Variants in METTL6 observed in about 807,000 individuals in gnomAD.
METTL6 encodes the protein methyltransferase 6, tRNA N3-cytidine, also known as tRNA N(3)-cytidine methyltransferase METTL6.
In METTL6, 22 loss-of-function variants were observed where a neutral mutation model predicts 26.4. The ratio of observed to expected loss-of-function variants is 0.83; its 90% CI spans 0.59 to 1.19. The LOEUF (loss-of-function observed/expected upper bound fraction) is 1.19. METTL6 is among the 50% of genes most tolerant of loss of function. METTL6 has a pLI of 0.00. For missense variants in METTL6, 304 were observed against 324.8 expected, an observed-to-expected ratio of 0.94 and a Z score of 0.49; for synonymous variants, 109 against 116.2, an observed-to-expected ratio of 0.94 and a Z score of 0.40.
chr3:15,418,380 CA>C (rs1465076199), intron 3 of METTL6, among the ~76,000 whole-genome samples: 16 of 151,976 alleles, frequency 1.1e-4, no homozygotes, highest in Non-Finnish European at 2.4e-4. Flanking sequence ...TGCTAAAAAC[CA>C]AAAATATGGT....
chr3:15,414,410 C>A (rs1425820026), intron 4 of METTL6: 2 of 1,090,022 alleles, frequency 1.8e-6, no homozygotes, highest in Non-Finnish European at 2.3e-6. Context: ...GGCTGGAGTG[C>A]AGTGGCATAA....
At chr3:15,400,709 G>A (rs1468932973) in intron 6 of METTL6, among the ~76,000 whole-genome samples, 1 of 152,120 alleles carries the variant, frequency 6.6e-6, no homozygotes, top group Admixed American at 6.5e-5. Context: ...GGTCATTACA[G>A]AAAACATGAA....
At position 15,412,006 on chromosome 3, in the gene METTL6, C is replaced by G. The variant is rs146757354; in HGVS notation, c.674-569G>C. Reference sequence around the variant, plus strand: ...TCTCAAACCCCTGACCTCAAATGATCCCCCAATCTTGGCCTCCCAAAGTGC... The same window carrying G: ...TCTCAAACCCCTGACCTCAAATGATGCCCCAATCTTGGCCTCCCAAAGTGC... On this transcript the variant is annotated intron_variant, in intron 5 of 5. Transcript: ENST00000383790. 9.6e-4 allele frequency among the ~76,000 whole-genome samples: 146 copies of G among 152,254 alleles called. 1 individual carries two copies. Among genetic ancestry groups the G allele is most frequent in the African/African-American group, 3.3e-3 (139 of 41,544 alleles).
At chr3:15,422,243 T>C (rs971842218) in intron 3 of METTL6, among the ~76,000 whole-genome samples, 7 of 152,138 alleles carry the variant, frequency 4.6e-5, no homozygotes, top group South Asian at 4.1e-4. Flanking sequence ...GGAGGATCAC[T>C]TGAGCCTGGG....
intron 6 of METTL6, among the ~76,000 whole-genome samples, chr3:15,394,240 C>T (rs1165177269): frequency 6.6e-6 from 1 of 152,174 alleles, no homozygotes; most frequent in Non-Finnish European, 1.5e-5. Flanking sequence ...GTGTATGTGT[C>T]AAGGAATTTA....
At chr3:15,382,107 G>C (rs980372076) in exon 7 of METTL6, 4 of 150,164 alleles carry the variant, frequency 2.7e-5, no homozygotes, top group African/African-American at 9.9e-5. Flanking sequence ...CTGGAGAACA[G>C]TGGCACAATC....
At chr3:15,382,867 A>C (rs1356892974) in exon 7 of METTL6, 1 of 152,208 alleles carries the variant, frequency 6.6e-6, no homozygotes, top group South Asian at 2.1e-4. Flanking sequence ...GCTAAGTGAA[A>C]TAAGCCAGAT....
chr3:15,405,014 T>C (rs1361646555), downstream of METTL6, among the ~76,000 whole-genome samples: 1 of 152,234 alleles, frequency 6.6e-6, no homozygotes, highest in Non-Finnish European at 1.5e-5. Flanking sequence ...CCAAATGCTA[T>C]CAAAGATAGC....
At chr3:15,414,316 G>A in intron 4 of METTL6, 154 bp from the exon 5 acceptor site, 2 of 1,410,430 alleles carry the variant, frequency 1.4e-6, no homozygotes, top group South Asian at 1.6e-5. Flanking sequence ...TACTTAAAAA[G>A]ATAGTAAGAC....
chr3:15,415,876 G>A lies in METTL6; in HGVS notation c.427C>T (p.Leu143=). The A allele has an allele frequency of 6.2e-7, 1 of 1,614,126 alleles. No homozygotes were observed. Among genetic ancestry groups the A allele is most frequent in the Middle Eastern group, 1.7e-4 (1 of 6,060 alleles). Residue 143 remains leucine (L), a synonymous_variant, in exon 4 of 6, where the codon CTG becomes TTG. Transcript: ENST00000383790. The part of the protein sequence containing the change: ...FQCDLTKDDL[L]DHVPPESVDV... ...ACAGACTCTGGCGGTACATGATCCA[G>A]AAGATCATCTTTAGTCAGATCACAC... is the stretch of plus-strand genomic sequence containing the variant.
intron 3 of METTL6, among the ~76,000 whole-genome samples, chr3:15,419,252 C>G (rs1204249104): frequency 6.6e-6 from 1 of 151,518 alleles, no homozygotes; most frequent in Non-Finnish European, 1.5e-5. Flanking sequence ...ACATACATAC[C>G]AAAATATCTA....
chr3:15,395,124 G>C (rs1167522072), intron 6 of METTL6, among the ~76,000 whole-genome samples: 2 of 152,184 alleles, frequency 1.3e-5, no homozygotes, highest in Non-Finnish European at 2.9e-5. Context: ...TTATTATTGT[G>C]TGGGAGTCTA....
intron 6 of METTL6, among the ~76,000 whole-genome samples, chr3:15,394,874 A>G (rs1699445529): frequency 6.6e-6 from 1 of 152,202 alleles, no homozygotes; most frequent in South Asian, 2.1e-4. Flanking sequence ...ACAGTTTGTT[A>G]TAATTTCTAT....
chr3:15,410,809 T>C lies in METTL6; in HGVS notation c.*447A>G, dbSNP rs1478123302. Among the ~76,000 whole-genome samples the C allele has an allele frequency of 6.6e-6, 1 of 152,078 alleles. No individual in the cohort carries two copies. The highest frequency in any genetic ancestry group is 2.4e-5 in the African/African-American group (1 of 41,420). On this transcript the variant is annotated 3_prime_UTR_variant, in exon 6 of 6. Coordinates refer to ENST00000383790, the MANE Select transcript of METTL6 (RefSeq NM_152396.4). ...GCTTGAGCCCAGGGGAGGTCGAGGC[T>C]ACAATGAGCTGTGATCACACACCAC...
intron 6 of METTL6, among the ~76,000 whole-genome samples, chr3:15,400,758 T>C (rs1284869548): frequency 6.6e-6 from 1 of 152,236 alleles, no homozygotes; most frequent in East Asian, 1.9e-4. Context: ...ACAGCTATAA[T>C]TGAACAACCC....
chr3:15,425,636 G>T (rs886840493), intron 2 of METTL6, among the ~76,000 whole-genome samples: 1 of 152,094 alleles, frequency 6.6e-6, no homozygotes, highest in African/African-American at 2.4e-5. Flanking sequence ...CCTAGGCTTG[G>T]CTAATTCATG....
intron 6 of METTL6, among the ~76,000 whole-genome samples, chr3:15,389,724 T>G (rs1386197819): frequency 6.6e-6 from 1 of 152,064 alleles, no homozygotes; most frequent in Non-Finnish European, 1.5e-5. Flanking sequence ...TAATTTTGTA[T>G]TTTTAGTAGA....
At chr3:15,391,458 T>C (rs6776302) in intron 6 of METTL6, among the ~76,000 whole-genome samples, 3,287 of 152,240 alleles carry the variant, frequency 0.022, 99 homozygotes, top group African/African-American at 0.072. Context: ...AAATGTTACA[T>C]TGCAGAACAA....
chr3:15,390,076 G>A (rs1370811400), intron 6 of METTL6, among the ~76,000 whole-genome samples: 2 of 151,966 alleles, frequency 1.3e-5, no homozygotes, highest in African/African-American at 4.8e-5. Context: ...GTCAGATAGT[G>A]AAAAAAGAAG....
Sources: allele counts gnomAD v4.1 joint callset (sites outside exome capture counted in the v4.1 genomes callset), GRCh38; gene constraint gnomAD v4.1.1; transcripts MANE v1.5; gene names NCBI Gene and HGNC (gene_info 2026-07-23, HGNC 2026-07-21).